Variants in PAF1 observed in about 807,000 individuals in gnomAD.
PAF1 encodes the protein PAF1 component of Paf1/RNA polymerase II complex.
In PAF1, 31 loss-of-function variants were observed where a neutral mutation model predicts 68.4. The ratio of observed to expected loss-of-function variants is 0.45; its 90% CI spans 0.34 to 0.61. PAF1 has a LOEUF of 0.61. Ranked by LOEUF, PAF1 falls within the 20% of genes least tolerant of loss-of-function variation. The probability of loss-of-function intolerance (pLI) is 0.01; values close to 1 mark genes in which losing one functional copy is unlikely to be tolerated. For synonymous variants in PAF1, 256 were observed against 240.5 expected, an observed-to-expected ratio of 1.06 and a Z score of -0.60; for missense variants, 435 against 692.9, an observed-to-expected ratio of 0.63 and a Z score of 4.18.
chr19:39,385,915 T>TC lies in PAF1; in HGVS notation c.*75dup. 2 of 1,579,516 alleles carry TC rather than the reference T, an allele frequency of 1.3e-6. No individual in the cohort carries two copies. The highest frequency in any genetic ancestry group is 1.7e-6 in the Non-Finnish European group (2 of 1,166,328). ...GGTGGGGAACAAACAAGTGAAAGGCTCACAAACAGACCACTAGAAAAGTGC... is the reference window on the plus strand; with the variant it reads ...GGTGGGGAACAAACAAGTGAAAGGCTCCACAAACAGACCACTAGAAAAGTGC... On this transcript the variant is annotated 3_prime_UTR_variant, in exon 14 of 14. Transcript: ENST00000221265.
rs754964193 is a variant in PAF1 at position 39,389,699 on chromosome 19, G to A, written c.233C>T (p.Pro78Leu). ...KQHKHDLLTE[P>L]DLGVTIDLIN... ...GAGATCGATGGTGACCCCCAGGTCT[G>A]GCTCAGTCAGGAGGTCATGTTTGTG... Residue 78 changes from proline (P) to leucine (L), a missense_variant, in exon 4 of 14, where the codon CCA becomes CTA. Physicochemically the swap from Pro to Leu is moderately conservative, Grantham distance 98. This residue lies in a region of PAF1 where 77 missense variants were observed against 118.2 expected (regional missense o/e 0.65). Transcript: ENST00000221265. The surrounding 1 kb of genome is among the most constrained non-coding windows in gnomAD (Gnocchi z 5.3). 3 of 1,614,004 alleles carry A rather than the reference G, an allele frequency of 1.9e-6. No individual in the cohort carries two copies. The highest frequency in any genetic ancestry group is 1.3e-5 in the African/African-American group (1 of 74,922).
chr19:39,386,053 G>A lies in PAF1; in HGVS notation c.1534C>T (p.Gln512Ter). 1 of 1,613,924 alleles carries A rather than the reference G, an allele frequency of 6.2e-7. No homozygotes were observed. Among genetic ancestry groups the A allele is most frequent in the Non-Finnish European group, 8.5e-7 (1 of 1,180,014 alleles). Residue 512 changes from glutamine to a stop codon, truncating the protein, a stop_gained, in exon 14 of 14, where the codon CAG (glutamine) becomes TAG (stop). Coordinates refer to ENST00000221265, the MANE Select transcript of PAF1 (RefSeq NM_019088.4). LOFTEE classifies it high-confidence loss of function. The surrounding 1 kb of genome is among the most constrained non-coding windows in gnomAD (Gnocchi z 6.1). ...PFPSGSEHSA[Q>*]EDGSEAAASD... ...GCTGCAGCTTCACTGCCATCCTCCT[G>A]GGCCGAGTGCTCGCTGCCACTGGGG...
chr19:39,389,328 TG>T lies in PAF1; in HGVS notation c.414del (p.Thr139LeufsTer21), dbSNP rs766570033. 1.9e-6 allele frequency: 3 copies of T among 1,614,174 alleles called. No homozygotes were observed. In the Admixed American group the frequency reaches 5.0e-5, roughly 27 times the overall value. ...VPWMRKTEYI[S>X]TEFNRYGISN... ...GAGATGCCATAACGGTTGAACTCAGTGGAGATGTACTCTGTCTTTCGCATCC... is the reference window on the plus strand; with the variant it reads ...GAGATGCCATAACGGTTGAACTCAGTGAGATGTACTCTGTCTTTCGCATCC... On this transcript the variant is annotated frameshift_variant, in exon 6 of 14. Coordinates refer to ENST00000221265, the MANE Select transcript of PAF1 (RefSeq NM_019088.4). LOFTEE classifies it high-confidence loss of function. The surrounding 1 kb of genome is among the most constrained non-coding windows in gnomAD (Gnocchi z 5.3).
intron 8 of PAF1, 36 bp from the exon 9 acceptor site, chr19:39,388,901 A>G (rs1407909203): frequency 6.2e-7 from 1 of 1,610,692 alleles, no homozygotes; most frequent in Non-Finnish European, 8.5e-7. Context: ...AGATGGGAAC[A>G]GGCACAAATA....
At position 39,389,782 on chromosome 19, in the gene PAF1, TGTG is replaced by T. The variant is rs765609417; in HGVS notation, c.171-24_171-22del. The T allele has an allele frequency of 9.9e-6, 16 of 1,613,722 alleles. No homozygotes were observed. In the South Asian group the frequency reaches 1.6e-4, roughly 17 times the overall value. On this transcript the variant is annotated intron_variant, in intron 3 of 13. Coordinates refer to ENST00000221265, the MANE Select transcript of PAF1 (RefSeq NM_019088.4). The surrounding 1 kb of genome is among the most constrained non-coding windows in gnomAD (Gnocchi z 5.3). The stretch of plus-strand genomic sequence containing the variant: ...CGAACCTGGGTGGGGAAACACCTAT[TGTG>T]GTGTTTGGATTCCAGCTTCACCCCT...
rs149634661 is a variant in PAF1, at chr19:39,386,558, G to A, written c.1107C>T (p.Ala369=). 67 of 1,614,048 alleles carry A rather than the reference G, an allele frequency of 4.2e-5. No homozygotes were observed. The highest frequency in any genetic ancestry group is 3.3e-4 in the African/African-American group (25 of 75,010). The change falls in exon 13 of 14, where the codon GCC becomes GCT. Residue 369 remains alanine, a synonymous_variant. Transcript: ENST00000221265. The surrounding 1 kb of genome is among the most constrained non-coding windows in gnomAD (Gnocchi z 6.1). ...KELEAQEARK[A]QLENHEPEEE... ...CCTCCGGTTCGTGGTTTTCTAGCTG[G>A]GCCTTCCGTGCCTCCTGGAAGCAGC...
chr19:39,385,848 G>A lies in PAF1; in HGVS notation c.*143C>T. The A allele has an allele frequency of 8.2e-7, 1 of 1,216,580 alleles. No homozygotes were observed. Among genetic ancestry groups the A allele is most frequent in the Non-Finnish European group, 1.1e-6 (1 of 882,902 alleles). The allele number at this position is 1,216,580 out of a possible 1,614,324, so 75.4% of individuals were successfully genotyped here. On this transcript the variant is annotated 3_prime_UTR_variant, in exon 14 of 14. Coordinates refer to ENST00000221265, the MANE Select transcript of PAF1 (RefSeq NM_019088.4). ...AATGACATCATAGGGGCTGGGAGGG[G>A]AAGTAAAGAGAAGTTGACTTTATTA...
At chr19:39,388,513 A>T (rs2078302866) in intron 10 of PAF1, 46 bp from the exon 11 acceptor site, 1 of 1,612,830 alleles carries the variant, frequency 6.2e-7, no homozygotes, top group Non-Finnish European at 8.5e-7. Context: ...CCCTATCCCA[A>T]TCCCCAAAAC....
At position 39,386,664 on chromosome 19, in the gene PAF1, T is replaced by C. The variant is rs768511131; in HGVS notation, c.1092+30A>G. ...CCTACAACCACCACCCTCCCTGCCATGGGTGCCCTGAGCCAGTGGTGCTTG... is the reference window on the plus strand; with the variant it reads ...CCTACAACCACCACCCTCCCTGCCACGGGTGCCCTGAGCCAGTGGTGCTTG... On this transcript the variant is annotated intron_variant, in intron 12 of 13. Transcript: ENST00000221265. This position sits in a 1 kb window ranked among gnomAD's most constrained non-coding sequence, Gnocchi z 6.1. 1.0e-5 allele frequency: 16 copies of C among 1,593,348 alleles called. No individual in the cohort carries two copies. The highest frequency in any genetic ancestry group is 1.4e-5 in the Non-Finnish European group (16 of 1,161,092).
rs751536019 is a variant in PAF1, at chr19:39,385,999, T to G, written c.1588A>C (p.Ser530Arg). The G allele has an allele frequency of 7.4e-6, 12 of 1,613,516 alleles. No individual in the cohort carries two copies. Among genetic ancestry groups the G allele is most frequent in the Non-Finnish European group, 1.7e-6 (2 of 1,180,004 alleles). ...ASDSSEADSD[S>R]D is the part of the protein sequence containing the mutation. Reference sequence around the variant, plus strand: ...CCTGAATGCCCTGGGACTCAGTCACTGTCACTATCAGCTTCACTGGAATCA... The same window carrying G: ...CCTGAATGCCCTGGGACTCAGTCACGGTCACTATCAGCTTCACTGGAATCA... Residue 530 changes from serine to arginine, a missense_variant, in exon 14 of 14, where the codon AGT becomes CGT. Physicochemically the swap from Ser to Arg is moderately radical, Grantham distance 110. Transcript: ENST00000221265.
rs1380471827 is a variant in PAF1 at position 39,386,666 on chromosome 19, G to A, written c.1092+28C>T. On this transcript the variant is annotated intron_variant, in intron 12 of 13. Coordinates refer to ENST00000221265, the MANE Select transcript of PAF1 (RefSeq NM_019088.4). This position sits in a 1 kb window ranked among gnomAD's most constrained non-coding sequence, Gnocchi z 6.1. Reference sequence around the variant, plus strand: ...TACAACCACCACCCTCCCTGCCATGGGTGCCCTGAGCCAGTGGTGCTTGTT... The same window carrying A: ...TACAACCACCACCCTCCCTGCCATGAGTGCCCTGAGCCAGTGGTGCTTGTT... 2 of 1,598,864 alleles carry A rather than the reference G, an allele frequency of 1.3e-6. No individual in the cohort carries two copies. Among genetic ancestry groups the A allele is most frequent in the East Asian group, 4.5e-5 (2 of 44,836 alleles).
In PAF1 at chr19:39,386,783, G is replaced by A. The variant is rs1334439147; in HGVS notation, c.1003C>T (p.Arg335Cys). Residue 335 changes from arginine to cysteine, a missense_variant, in exon 12 of 14, where the codon CGC (arginine) becomes TGC (cysteine). Physicochemically the swap from Arg to Cys is radical, Grantham distance 180. Around this residue, in one of 7 missense-constraint regions of PAF1, gnomAD observed 151 missense variants for 306.3 expected, o/e 0.49. Coordinates refer to ENST00000221265, the MANE Select transcript of PAF1 (RefSeq NM_019088.4). This position sits in a 1 kb window ranked among gnomAD's most constrained non-coding sequence, Gnocchi z 6.1. ...GACTGAACCCCAGCCTTGGCCCGGC[G>A]CTTACTAAGGCGGACCCTGCAGGGG... ...ELETRVRLSK[R>C]RAKAGVQSGT... The A allele has an allele frequency of 3.7e-6, 6 of 1,613,320 alleles. No individual in the cohort carries two copies. The highest frequency in any genetic ancestry group is 1.3e-5 in the African/African-American group (1 of 74,912).
At position 39,385,888 on chromosome 19, in the gene PAF1, GGGGTGGGGAACAAACAAGTGA is replaced by G. The variant is rs1211674623; in HGVS notation, c.*82_*102del. 3 of 1,510,962 alleles carry G rather than the reference GGGGTGGGGAACAAACAAGTGA, an allele frequency of 2.0e-6. No homozygotes were observed. The highest frequency in any genetic ancestry group is 1.4e-5 in the African/African-American group (1 of 72,370). The allele number at this position is 1,510,962 out of a possible 1,614,324, so 93.6% of individuals were successfully genotyped here. A position where few individuals can be genotyped will look rare whatever the true frequency, so the allele number is the denominator to read the frequency against. ...TGACTTTATTAACAGCAAAGGTTTG[GGGGTGGGGAACAAACAAGTGA>G]AAGGCTCACAAACAGACCACTAGAA... On this transcript the variant is annotated 3_prime_UTR_variant, in exon 14 of 14. Coordinates refer to ENST00000221265, the MANE Select transcript of PAF1 (RefSeq NM_019088.4).
chr19:39,389,857 GA>G lies in PAF1; in HGVS notation c.171-97del, dbSNP rs1335453442. On this transcript the variant is annotated intron_variant, in intron 3 of 13. Coordinates refer to ENST00000221265, the MANE Select transcript of PAF1 (RefSeq NM_019088.4). This position sits in a 1 kb window ranked among gnomAD's most constrained non-coding sequence, Gnocchi z 5.3. Reference sequence around the variant, plus strand: ...CGGAGCTTCTCTGGGGAGGAACTCAGAATGAAGTGTCCCCCATGGCAGAGTC... The same window carrying G: ...CGGAGCTTCTCTGGGGAGGAACTCAGATGAAGTGTCCCCCATGGCAGAGTC... The G allele has an allele frequency of 2.0e-6, 3 of 1,517,448 alleles. No individual in the cohort carries two copies. The highest frequency in any genetic ancestry group is 2.7e-6 in the Non-Finnish European group (3 of 1,095,998). The allele number at this position is 1,517,448 out of a possible 1,614,324, so 94.0% of individuals were successfully genotyped here. A position where few individuals can be genotyped will look rare whatever the true frequency, so the allele number is the denominator to read the frequency against.
rs747108134 is a variant in PAF1, at chr19:39,389,203, G to A, written c.462-5C>T. 1 of 1,613,566 alleles carries A rather than the reference G, an allele frequency of 6.2e-7. No individual in the cohort carries two copies. The highest frequency in any genetic ancestry group is 2.2e-5 in the East Asian group (1 of 44,884). ...TGCTTCACAGAAACCCCAATCCTAG[G>A]AATGAAGAAAAAGGTCCTTAGGGGC... On this transcript the variant is annotated splice_polypyrimidine_tract_variant and splice_region_variant and intron_variant, in intron 6 of 13. Coordinates refer to ENST00000221265, the MANE Select transcript of PAF1 (RefSeq NM_019088.4). This position sits in a 1 kb window ranked among gnomAD's most constrained non-coding sequence, Gnocchi z 5.3.
At position 39,389,293 on chromosome 19, in the gene PAF1, C is replaced by T. The variant is rs1287486218; in HGVS notation, c.450G>A (p.Lys150=). Residue 150 remains lysine (K), a synonymous_variant, in exon 6 of 14, where the codon AAG becomes AAA. Coordinates refer to ENST00000221265, the MANE Select transcript of PAF1 (RefSeq NM_019088.4). The surrounding 1 kb of genome is among the most constrained non-coding windows in gnomAD (Gnocchi z 5.3). ...TGTTAGTAACTTACTTGACCTCAGGCTTCTCATTGGAGATGCCATAACGGT... is the reference window on the plus strand; with the variant it reads ...TGTTAGTAACTTACTTGACCTCAGGTTTCTCATTGGAGATGCCATAACGGT... ...EFNRYGISNE[K]PEVKIGVSVK... is the part of the protein sequence containing the mutation. 6 of 1,613,838 alleles carry T rather than the reference C, an allele frequency of 3.7e-6. No individual in the cohort carries two copies. The highest frequency in any genetic ancestry group is 5.1e-6 in the Non-Finnish European group (6 of 1,179,806).
intron 2 of PAF1, 27 bp from the exon 3 acceptor site, chr19:39,390,188 G>C (rs1453203519): frequency 6.2e-7 from 1 of 1,611,512 alleles, no homozygotes; most frequent in Non-Finnish European, 8.5e-7. Context: ...CTCAAAAGTG[G>C]GCCCCCGCTG....
Position 39,388,813 on chromosome 19 carries a change from T to C in PAF1, c.689A>G (p.Lys230Arg). Residue 230 changes from lysine to arginine, a missense_variant, in exon 9 of 14, where the codon AAG becomes AGG. Lys to Arg is a conservative substitution (Grantham distance 26, BLOSUM62 2). This residue lies in a region of PAF1 where 151 missense variants were observed against 306.3 expected (regional missense o/e 0.49). Transcript: ENST00000221265. ...CAACGCAGCTGCACCACTCGTGTCC[T>C]TGGGGGCTGGGTCTGAGTCAAAGAT... ...QVIFDSDPAP[K>R]DTSGAAALEM... 1 of 1,614,192 alleles carries C rather than the reference T, an allele frequency of 6.2e-7. No homozygotes were observed. Among genetic ancestry groups the C allele is most frequent in the Non-Finnish European group, 8.5e-7 (1 of 1,180,030 alleles).
Position 39,385,809 on chromosome 19 carries a change from T to G in PAF1, c.*182A>C. On this transcript the variant is annotated 3_prime_UTR_variant, in exon 14 of 14. Transcript: ENST00000221265. The stretch of plus-strand genomic sequence containing the variant: ...TTGAGCACCTGGGGGTTGCGGGAGG[T>G]ATGTGCTGGGCTGAATGACATCATA... 1.2e-6 allele frequency: 1 copy of G among 858,152 alleles called. No individual in the cohort carries two copies. The highest frequency in any genetic ancestry group is 1.8e-5 in the South Asian group (1 of 54,658). The allele number at this position is 858,152 out of a possible 1,614,324, so 53.2% of individuals were successfully genotyped here. A position where few individuals can be genotyped will look rare whatever the true frequency, so the allele number is the denominator to read the frequency against.
Sources: allele counts gnomAD v4.1 joint callset, GRCh38; gene constraint gnomAD v4.1.1; regional missense constraint gnomAD v4.1.1; non-coding constraint Gnocchi (gnomAD v3.1); transcripts MANE v1.5; gene names NCBI Gene and HGNC (gene_info 2026-07-23, HGNC 2026-07-21).